Variants in FAM178B observed in about 807,000 individuals in gnomAD.
The protein encoded by FAM178B is family with sequence similarity 178 member B.
Under a neutral mutation model 91.7 loss-of-function variants are expected in FAM178B, and 82 were observed. That is an observed-to-expected ratio of 0.89 (90% CI 0.75 to 1.07). The LOEUF (loss-of-function observed/expected upper bound fraction) is 1.07. Among genes scored for constraint, FAM178B ranks in the 50% least tolerant of loss-of-function variants. FAM178B has a pLI of 0.00. For synonymous variants in FAM178B, 368 were observed against 359.4 expected (o/e 1.02, Z -0.27); for missense variants, 769 against 846.7 (o/e 0.91, Z 1.14).
intron 14 of FAM178B, among the ~76,000 whole-genome samples, chr2:96,886,788 T>A (rs1330396981): frequency 6.6e-6 from 1 of 152,176 alleles, no homozygotes; most frequent in Non-Finnish European, 1.5e-5. Flanking sequence ...TGCTTGGCCG[T>A]CTTCGGTGCA....
At chr2:96,882,488 C>T (rs753787486) in intron 14 of FAM178B, among the ~76,000 whole-genome samples, 2 of 152,220 alleles carry the variant, frequency 1.3e-5, no homozygotes, top group East Asian at 1.9e-4. Flanking sequence ...GTGAGAGCTG[C>T]GCTTCCTGCT....
chr2:96,972,102 C>A lies in FAM178B; in HGVS notation c.363G>T (p.Arg121Ser). The change falls in exon 3 of 17, where the codon AGG (arginine) becomes AGT (serine). Residue 121 changes from arginine (R) to serine (S), a missense_variant. Physicochemically the swap from Arg to Ser is moderately radical, Grantham distance 110. Transcript: ENST00000490605. Reference sequence around the variant, plus strand: ...GGGCCTCCCGACTGGCCTGCAGCACCCTCGGGTTGAGGAATTCCACGGGCG... The same window carrying A: ...GGGCCTCCCGACTGGCCTGCAGCACACTCGGGTTGAGGAATTCCACGGGCG... ...SPPPVEFLNP[R>S]VLQASREAPA... 6.6e-7 allele frequency: 1 copy of A among 1,524,278 alleles called. No individual in the cohort carries two copies. The highest frequency in any genetic ancestry group is 8.8e-7 in the Non-Finnish European group (1 of 1,133,666). The allele number at this position is 1,524,278 out of a possible 1,614,324, so 94.4% of individuals were successfully genotyped here. A position where few individuals can be genotyped will look rare whatever the true frequency, so the allele number is the denominator to read the frequency against.
intron 14 of FAM178B, among the ~76,000 whole-genome samples, chr2:96,881,525 C>T (rs1018749319): frequency 6.6e-6 from 1 of 151,964 alleles, no homozygotes; most frequent in Non-Finnish European, 1.5e-5. Context: ...CTGCTCCACC[C>T]ATGGGCTCTC....
chr2:96,910,708 C>T (rs778652003), intron 12 of FAM178B, among the ~76,000 whole-genome samples: 6 of 152,208 alleles, frequency 3.9e-5, no homozygotes, highest in Non-Finnish European at 8.8e-5. Context: ...TTAATGCTTC[C>T]CTTCTTTTCC....
chr2:96,960,504 A>G (rs552176657), intron 5 of FAM178B, 64 bp from the exon 6 acceptor site: 5 of 1,483,086 alleles, frequency 3.4e-6, no homozygotes, highest in Non-Finnish European at 4.5e-6. Context: ...AGGCATGGCC[A>G]TTAGCCCAGG....
At chr2:96,903,103 A>T (rs907168502) in intron 12 of FAM178B, among the ~76,000 whole-genome samples, 1 of 152,104 alleles carries the variant, frequency 6.6e-6, no homozygotes, top group Non-Finnish European at 1.5e-5. Flanking sequence ...GCAGTGGCAC[A>T]ATCTCGGCTC....
chr2:96,969,805 T>C (rs1455093004), intron 4 of FAM178B, among the ~76,000 whole-genome samples: 2 of 152,150 alleles, frequency 1.3e-5, no homozygotes, highest in Non-Finnish European at 2.9e-5. Flanking sequence ...ATGAGATGAC[T>C]CCAGGGCGGG....
chr2:96,905,847 TATATATATA>T, intron 12 of FAM178B, among the ~76,000 whole-genome samples: 1 of 27,540 alleles, frequency 3.6e-5, no homozygotes, highest in African/African-American at 1.5e-4. Context: ...TATATATATA[TATATATATA>T]TATATTTTTT....
intron 12 of FAM178B, among the ~76,000 whole-genome samples, chr2:96,914,575 T>C (rs1328097815): frequency 1.3e-5 from 2 of 152,210 alleles, no homozygotes; most frequent in African/African-American, 2.4e-5. Context: ...GTCATCATAA[T>C]GTTGTAATTA....
At chr2:96,923,380 T>C (rs1411407355) in intron 10 of FAM178B, 110 bp downstream of exon 10, 3 of 814,998 alleles carry the variant, frequency 3.7e-6, no homozygotes, top group Non-Finnish European at 6.1e-6. Context: ...GTGCCTGCCA[T>C]GGTGCTGAGC....
intron 8 of FAM178B, among the ~76,000 whole-genome samples, chr2:96,933,843 T>C (rs1353858276): frequency 6.6e-6 from 1 of 152,164 alleles, no homozygotes; most frequent in Non-Finnish European, 1.5e-5. Context: ...GGCTGGTTCC[T>C]AAAGGAAAGC....
At position 96,876,123 on chromosome 2, in the gene FAM178B, G is replaced by A. The variant is rs1574164906; in HGVS notation, c.*153C>T. 7.0e-5 allele frequency: 50 copies of A among 716,082 alleles called. No individual in the cohort carries two copies. In the East Asian group the frequency reaches 1.4e-3, roughly 20 times the overall value. The allele number at this position is 716,082 out of a possible 1,614,324, so 44.4% of individuals were successfully genotyped here. ...GAGGCAGGCTCTTGCAGAGAGGAGA[G>A]GGGTCGGGGCGGTGGCAGGGGCAGG... On this transcript the variant is annotated 3_prime_UTR_variant, in exon 17 of 17. Coordinates refer to ENST00000490605, the MANE Select transcript of FAM178B (RefSeq NM_001122646.3).
intron 1 of FAM178B, among the ~76,000 whole-genome samples, chr2:96,980,072 GT>G (rs373314327): frequency 1.3e-5 from 2 of 151,908 alleles, no homozygotes; most frequent in South Asian, 2.1e-4. Flanking sequence ...TCTTTGTGGG[GT>G]TTTTTTGTTT....
intron 6 of FAM178B, among the ~76,000 whole-genome samples, chr2:96,958,329 CAA>C (rs2082029817): frequency 2.0e-5 from 3 of 152,154 alleles, no homozygotes. Flanking sequence ...CTCGGCCTCC[CAA>C]AGTGTTGGGG....
At chr2:96,981,720 G>A (rs2082363137) in intron 1 of FAM178B, among the ~76,000 whole-genome samples, 2 of 130,742 alleles carry the variant, frequency 1.5e-5, no homozygotes, top group Admixed American at 9.0e-5. Context: ...TAGCCTGGGT[G>A]ACAGAGTGAG....
intron 9 of FAM178B, among the ~76,000 whole-genome samples, chr2:96,926,480 G>T (rs553941366): frequency 6.6e-6 from 1 of 152,320 alleles, no homozygotes; most frequent in South Asian, 2.1e-4. Context: ...CCTCCTTTGT[G>T]CTCCTGGGGG....
intron 12 of FAM178B, 83 bp from the exon 13 acceptor site, chr2:96,902,790 G>T (rs1471363428): frequency 2.1e-6 from 2 of 958,388 alleles, no homozygotes; most frequent in East Asian, 2.7e-5. Flanking sequence ...ATGGAGAGGG[G>T]ACTTTGGGGG....
chr2:96,883,329 T>C (rs185853682), intron 14 of FAM178B, among the ~76,000 whole-genome samples: 2 of 152,346 alleles, frequency 1.3e-5, no homozygotes, highest in African/African-American at 4.8e-5. Flanking sequence ...AATTCCCCTC[T>C]AGCCAATGCC....
At chr2:96,905,816 GTGTATATA>G (rs1381957737) in intron 12 of FAM178B, among the ~76,000 whole-genome samples, 585 of 36,644 alleles carry the variant, frequency 0.016, 26 homozygotes, top group South Asian at 0.07. Context: ...ACATATATGT[GTGTATATA>G]TATATATATA....
Sources: allele counts gnomAD v4.1 joint callset (sites outside exome capture counted in the v4.1 genomes callset), GRCh38; gene constraint gnomAD v4.1.1; transcripts MANE v1.5; gene names NCBI Gene and HGNC (gene_info 2026-07-23, HGNC 2026-07-21).